Variants in MCTP2 observed in about 807,000 individuals in gnomAD.
The protein encoded by MCTP2 is multiple C2 and transmembrane domain-containing protein 2.
Under a neutral mutation model 111.6 loss-of-function variants are expected in MCTP2, and 132 were observed. The observed-to-expected ratio is 1.18, with a 90% CI of 1.03 to 1.37. MCTP2 has a LOEUF of 1.37. Ranked by LOEUF, MCTP2 falls within the 40% of genes most tolerant of loss-of-function variation. The pLI is 0.00. For missense variants in MCTP2, 1,183 were observed against 1,067.9 expected, an observed-to-expected ratio of 1.11 and a Z score of -1.50; for synonymous variants, 395 against 387.7, an observed-to-expected ratio of 1.02 and a Z score of -0.22.
At position 94,298,201 on chromosome 15, in the gene MCTP2, G is replaced by A. The variant is rs79161311; in HGVS notation, c.-65G>A. The A allele has an allele frequency of 0.12, 138,447 of 1,177,226 alleles. 10,371 individuals carry two copies. The highest frequency in any genetic ancestry group is 0.24 in the East Asian group (9,416 of 39,330). The allele number at this position is 1,177,226 out of a possible 1,614,324, so 72.9% of individuals were successfully genotyped here. The stretch of plus-strand genomic sequence containing the variant: ...TTTGTTGTTTTTTTCTGTTTTATAG[G>A]AGTCATTGCAGTTTTCAGTAGAGGT... On this transcript the variant is annotated splice_region_variant and 5_prime_UTR_variant, in exon 2 of 23. Transcript: ENST00000357742.
intron 1 of MCTP2, among the ~76,000 whole-genome samples, chr15:94,260,580 T>C (rs530842950): frequency 3.9e-5 from 6 of 152,234 alleles, no homozygotes; most frequent in African/African-American, 1.4e-4. Context: ...GGTGATTCCA[T>C]CTCTACCTTG....
At chr15:94,478,641 T>C (rs548745065) in intron 22 of MCTP2, among the ~76,000 whole-genome samples, 1 of 152,210 alleles carries the variant, frequency 6.6e-6, no homozygotes, top group Non-Finnish European at 1.5e-5. Context: ...AAGATAAACA[T>C]TCCCAAGAGG....
intron 18 of MCTP2, 36 bp from the exon 19 acceptor site, chr15:94,442,883 T>C (rs1433779975): frequency 6.3e-7 from 1 of 1,589,494 alleles, no homozygotes; most frequent in Non-Finnish European, 8.6e-7. Flanking sequence ...TTAATTTCGG[T>C]TGATGTTTCT....
intron 17 of MCTP2, among the ~76,000 whole-genome samples, chr15:94,429,003 A>G (rs1376673205): frequency 6.6e-6 from 1 of 152,162 alleles, no homozygotes; most frequent in East Asian, 1.9e-4. Context: ...ACTCTTCTAG[A>G]CAATTTCATA....
chr15:94,440,608 T>C (rs531883328), intron 18 of MCTP2, among the ~76,000 whole-genome samples: 2 of 152,352 alleles, frequency 1.3e-5, no homozygotes, highest in East Asian at 3.9e-4. Flanking sequence ...AACAACCTCC[T>C]CAGTCACTAG....
chr15:94,452,938 A>G (rs1468470124), intron 19 of MCTP2, among the ~76,000 whole-genome samples: 1 of 148,510 alleles, frequency 6.7e-6, no homozygotes, highest in Non-Finnish European at 1.5e-5. Context: ...GGGTGGAAAC[A>G]CGTGAAAAAA....
chr15:94,377,704 A>G (rs1181426530), intron 12 of MCTP2, among the ~76,000 whole-genome samples: 2 of 152,144 alleles, frequency 1.3e-5, no homozygotes, highest in Admixed American at 1.3e-4. Context: ...ATGTGAAGTG[A>G]CTGATTTAAC....
chr15:94,279,690 C>G (rs1241189678), intron 1 of MCTP2, among the ~76,000 whole-genome samples: 21 of 152,092 alleles, frequency 1.4e-4, no homozygotes, highest in Non-Finnish European at 1.0e-4. Flanking sequence ...TTGCCTTGTT[C>G]TGGTTCTCAA....
chr15:94,276,186 C>A (rs1276492461), intron 1 of MCTP2, among the ~76,000 whole-genome samples: 1 of 152,028 alleles, frequency 6.6e-6, no homozygotes, highest in African/African-American at 2.4e-5. Flanking sequence ...TTCATTAATT[C>A]TTTGTATTCT....
rs114232044 is a variant in MCTP2 at position 94,470,115 on chromosome 15, A to T, written c.2361-218A>T. Among the ~76,000 whole-genome samples the T allele has an allele frequency of 4.1e-3, 619 of 152,298 alleles. 7 individuals are homozygous for T. Among genetic ancestry groups the T allele is most frequent in the African/African-American group, 0.014 (602 of 41,562 alleles). On this transcript the variant is annotated intron_variant, in intron 20 of 22. Coordinates refer to ENST00000357742, the MANE Select transcript of MCTP2 (RefSeq NM_001385001.1). ...GAGGTAAAGTCACCAATATTCTGAC[A>T]AATTGAATGGCAATTGGTTTGTGAC...
At position 94,254,101 on chromosome 15, in the gene MCTP2, A is replaced by C. The variant is rs1253292003; in HGVS notation, c.-66+22437A>C. Among the ~76,000 whole-genome samples the C allele has an allele frequency of 2.0e-4, 31 of 152,198 alleles. 1 individual carries two copies. The highest frequency in any genetic ancestry group is 2.0e-3 in the Admixed American group (31 of 15,282). ...CAACAGCAAATGTTTTCGTCATAGC[A>C]TTGGAATATTCTTGATTGCTTCTGT... On this transcript the variant is annotated intron_variant, in intron 1 of 22. Transcript: ENST00000357742.
rs117026510 is a variant in MCTP2, at chr15:94,448,810, G to T, written c.2250+5850G>T. Among the ~76,000 whole-genome samples the T allele has an allele frequency of 3.0e-4, 45 of 152,290 alleles. No individual in the cohort carries two copies. In the East Asian group the frequency reaches 8.1e-3, roughly 27 times the overall value. ...TTGGTTTTCTGAAAATAGTAGCTAT[G>T]TCTTTTGTATTTAAAAATAAATCTG... On this transcript the variant is annotated intron_variant, in intron 19 of 22. Transcript: ENST00000357742.
intron 1 of MCTP2, among the ~76,000 whole-genome samples, chr15:94,240,724 C>G (rs2070886977): frequency 6.6e-6 from 1 of 152,148 alleles, no homozygotes; most frequent in Non-Finnish European, 1.5e-5. Context: ...CTGGAAAAGT[C>G]TCTATCCTTT....
chr15:94,405,402 T>C (rs1046417139), intron 17 of MCTP2, among the ~76,000 whole-genome samples: 32 of 152,368 alleles, frequency 2.1e-4, no homozygotes, highest in East Asian at 3.9e-4. Context: ...GATGCCTATG[T>C]ACATGTGCAT....
chr15:94,287,405 G>T (rs1338990554), intron 1 of MCTP2, among the ~76,000 whole-genome samples: 4 of 152,116 alleles, frequency 2.6e-5, no homozygotes, highest in Non-Finnish European at 5.9e-5. Context: ...GACATTTTCA[G>T]GTACAAAAGA....
chr15:94,244,033 A>ATGTT (rs2071438359), intron 1 of MCTP2, among the ~76,000 whole-genome samples: 1 of 147,146 alleles, frequency 6.8e-6, no homozygotes, highest in African/African-American at 2.5e-5. Context: ...ACGTATGTGT[A>ATGTT]TATATTGCAC....
intron 4 of MCTP2, among the ~76,000 whole-genome samples, chr15:94,332,779 T>C (rs1283598060): frequency 6.6e-6 from 1 of 152,242 alleles, no homozygotes; most frequent in African/African-American, 2.4e-5. Flanking sequence ...AGCAAATAAG[T>C]AAGCTTTTCC....
At chr15:94,428,707 T>C (rs1017934120) in intron 17 of MCTP2, among the ~76,000 whole-genome samples, 10 of 152,198 alleles carry the variant, frequency 6.6e-5, no homozygotes, top group Non-Finnish European at 1.5e-4. Flanking sequence ...GTGGTCTGTG[T>C]CTTCAATAAT....
chr15:94,255,014 C>T (rs753622178), intron 1 of MCTP2, among the ~76,000 whole-genome samples: 31 of 152,164 alleles, frequency 2.0e-4, no homozygotes, highest in South Asian at 1.4e-3. Flanking sequence ...CAGGGCTTGG[C>T]AAAGCTGGGA....
Sources: allele counts gnomAD v4.1 joint callset (sites outside exome capture counted in the v4.1 genomes callset), GRCh38; gene constraint gnomAD v4.1.1; transcripts MANE v1.5; gene names NCBI Gene and HGNC (gene_info 2026-07-23, HGNC 2026-07-21).